Variants in ADAMTS12 observed in about 807,000 individuals in gnomAD.
ADAMTS12 encodes ADAM metallopeptidase with thrombospondin type 1 motif 12, also known as A disintegrin and metalloproteinase with thrombospondin motifs 12.
In ADAMTS12, 118 loss-of-function variants were observed where a neutral mutation model predicts 167.8. The observed-to-expected ratio is 0.70, with a 90% CI of 0.61 to 0.82. The LOEUF is 0.82. Ranked by LOEUF, ADAMTS12 falls within the 40% of genes least tolerant of loss-of-function variation. The pLI is 0.00. For synonymous variants in ADAMTS12, 704 were observed against 716.9 expected (o/e 0.98, Z 0.29); for missense variants, 1,916 against 1,998.8 (o/e 0.96, Z 0.79).
In ADAMTS12 at chr5:33,604,728, G is replaced by A. The variant is rs954009671; in HGVS notation, c.2528-8668C>T. 6.6e-5 allele frequency among the ~76,000 whole-genome samples: 10 copies of A among 151,994 alleles called. 1 individual carries two copies. Among genetic ancestry groups the A allele is most frequent in the Admixed American group, 5.9e-4 (9 of 15,262 alleles). ...TTCTAAACAATCATGACAAATCCTG[G>A]TCCTGAAATGAGGCTCTGCAGTGTG... On this transcript the variant is annotated intron_variant, in intron 16 of 23. Transcript: ENST00000504830.
intron 2 of ADAMTS12, among the ~76,000 whole-genome samples, chr5:33,800,352 T>C (rs550690327): frequency 5.3e-5 from 8 of 151,986 alleles, no homozygotes; most frequent in Admixed American, 5.2e-4. Context: ...ATATGACAAA[T>C]AAAAATCAGG....
intron 2 of ADAMTS12, among the ~76,000 whole-genome samples, chr5:33,761,654 T>C (rs1745360870): frequency 1.3e-5 from 2 of 152,252 alleles, no homozygotes; most frequent in East Asian, 3.9e-4. Flanking sequence ...TTACAGAATA[T>C]ACCCACACCC....
chr5:33,885,168 A>T (rs6451032), intron 1 of ADAMTS12, among the ~76,000 whole-genome samples: 151,008 of 152,322 alleles, frequency 0.99, 74,871 homozygotes, highest in East Asian at 1. Flanking sequence ...TTTGTGTGAG[A>T]TGATATATCA....
chr5:33,577,244 C>G lies in ADAMTS12; in HGVS notation c.2866-84G>C, dbSNP rs1309963730. 5 of 1,579,052 alleles carry G rather than the reference C, an allele frequency of 3.2e-6. No homozygotes were observed. In the African/African-American group the frequency reaches 5.4e-5, roughly 17 times the overall value. ...AGGTCTATAACAGATCAAAACAGGC[C>G]TGATGGAAACTAAACTATGCAGCTA... is the stretch of plus-strand genomic sequence containing the variant. On this transcript the variant is annotated intron_variant, in intron 18 of 23. Transcript: ENST00000504830.
intron 17 of ADAMTS12, among the ~76,000 whole-genome samples, chr5:33,589,694 G>A (rs1314962389): frequency 6.6e-6 from 1 of 152,042 alleles, no homozygotes; most frequent in African/African-American, 2.4e-5. Context: ...TGTACAGCCC[G>A]CTTGTCCATC....
At chr5:33,610,644 A>C (rs1400236571) in intron 16 of ADAMTS12, among the ~76,000 whole-genome samples, 6 of 152,234 alleles carry the variant, frequency 3.9e-5, no homozygotes, top group Non-Finnish European at 5.9e-5. Context: ...CCAAATACGG[A>C]GGTAATGAGG....
intron 14 of ADAMTS12, among the ~76,000 whole-genome samples, chr5:33,618,913 T>C (rs1269673377): frequency 1.3e-5 from 2 of 152,214 alleles, no homozygotes; most frequent in African/African-American, 4.8e-5. Flanking sequence ...CAGACTTTCA[T>C]GACGTTTCTG....
intron 22 of ADAMTS12, among the ~76,000 whole-genome samples, chr5:33,541,069 G>A (rs1413456172): frequency 6.6e-6 from 1 of 152,160 alleles, no homozygotes; most frequent in Non-Finnish European, 1.5e-5. Flanking sequence ...CCATCAGAAG[G>A]AAGCTAAAAA....
chr5:33,549,436 CCCTT>C (rs1399344780), intron 20 of ADAMTS12, 53 bp from the exon 21 acceptor site: 31 of 1,573,378 alleles, frequency 2.0e-5, no homozygotes, highest in South Asian at 9.2e-5. Context: ...CATCAGGCCT[CCCTT>C]CCTTCCCCTC....
At chr5:33,702,761 G>A (rs1454811032) in intron 3 of ADAMTS12, among the ~76,000 whole-genome samples, 2 of 152,184 alleles carry the variant, frequency 1.3e-5, no homozygotes, top group African/African-American at 4.8e-5. Context: ...GTCCAGGACA[G>A]TTCATACAAC....
chr5:33,754,884 ATAAG>A (rs1459911189), intron 2 of ADAMTS12, among the ~76,000 whole-genome samples: 19 of 152,310 alleles, frequency 1.2e-4, no homozygotes, highest in Admixed American at 3.9e-4. Flanking sequence ...AAATAAATAA[ATAAG>A]TATCTGTGAA....
intron 17 of ADAMTS12, among the ~76,000 whole-genome samples, chr5:33,590,010 T>A (rs1466116535): frequency 6.6e-6 from 1 of 152,230 alleles, no homozygotes; most frequent in African/African-American, 2.4e-5. Context: ...TTCTTTGGTG[T>A]TTAACATCAG....
chr5:33,546,877 T>C (rs1745009280), intron 21 of ADAMTS12, among the ~76,000 whole-genome samples: 1 of 152,218 alleles, frequency 6.6e-6, no homozygotes, highest in African/African-American at 2.4e-5. Context: ...AAAAGCATTT[T>C]GAAAAATCTT....
intron 2 of ADAMTS12, among the ~76,000 whole-genome samples, chr5:33,778,218 A>G (rs1193489668): frequency 6.6e-6 from 1 of 152,178 alleles, no homozygotes; most frequent in African/African-American, 2.4e-5. Context: ...AGTCAAAGCT[A>G]TTTTGAGCAA....
intron 2 of ADAMTS12, among the ~76,000 whole-genome samples, chr5:33,824,147 G>C (rs1001874392): frequency 7.2e-5 from 11 of 152,144 alleles, no homozygotes; most frequent in Admixed American, 7.2e-4. Flanking sequence ...ATCATAACAA[G>C]CACTAAGATA....
At chr5:33,704,010 A>G (rs1403395241) in intron 3 of ADAMTS12, among the ~76,000 whole-genome samples, 1 of 152,218 alleles carries the variant, frequency 6.6e-6, no homozygotes, top group Non-Finnish European at 1.5e-5. Flanking sequence ...CTAATGACGA[A>G]TAAGCTTTTT....
chr5:33,601,916 A>C (rs1738208055), intron 16 of ADAMTS12, among the ~76,000 whole-genome samples: 1 of 152,192 alleles, frequency 6.6e-6, no homozygotes, highest in African/African-American at 2.4e-5. Context: ...TAGGTAGAAA[A>C]AGATTCTGCC....
chr5:33,546,008 T>TA (rs11338120), intron 22 of ADAMTS12, 51 bp downstream of exon 22: 8,194 of 1,374,328 alleles, frequency 6.0e-3, no homozygotes, highest in Non-Finnish European at 6.8e-3. Flanking sequence ...CTTAAAGTAT[T>TA]AAAAAAAAAA....
At chr5:33,839,023 T>C (rs918611394) in intron 2 of ADAMTS12, among the ~76,000 whole-genome samples, 4 of 152,228 alleles carry the variant, frequency 2.6e-5, no homozygotes, top group Admixed American at 2.6e-4. Context: ...TCCAACTTCC[T>C]TTGATCGCAG....
Sources: gnomAD v4.1 joint callset for allele counts (sites outside exome capture counted in the v4.1 genomes callset) on GRCh38, gnomAD v4.1.1 for gene constraint, MANE v1.5 for transcripts, NCBI Gene and HGNC (gene_info 2026-07-23, HGNC 2026-07-21) for gene names.